The following FAM107A variants were observed in gnomAD, a reference collection of about 807,000 sequenced individuals.
FAM107A encodes actin-associated protein FAM107A.
FAM107A carries 19 observed loss-of-function variants against 13.7 expected under a neutral mutation model. The ratio of observed to expected loss-of-function variants is 1.38; its 90% CI spans 0.97 to 2.03. The LOEUF is 2.03. Ranked by LOEUF, FAM107A falls within the 30% of genes most tolerant of loss-of-function variation. FAM107A has a pLI of 0.00. For missense variants in FAM107A, 203 were observed against 184.4 expected (o/e 1.10, Z -0.58); for synonymous variants, 82 against 74.5 (o/e 1.10, Z -0.52).
At position 58,623,165 on chromosome 3, in the gene FAM107A, T is replaced by C. The variant is rs150270656; in HGVS notation, c.-70+4251A>G. Among the ~76,000 whole-genome samples, 436 of 152,310 alleles carry C rather than the reference T, an allele frequency of 2.9e-3. 1 individual carries two copies. Among genetic ancestry groups the C allele is most frequent in the Admixed American group, 4.3e-3 (66 of 15,304 alleles). On this transcript the variant is annotated intron_variant, in intron 1 of 3. Transcript: ENST00000465970. ...CAGATGTGTACCTTCTGGGCTCTGA[T>C]AGAATGAACACACCCTTTCAGGCCA...
intron 2 of FAM107A, among the ~76,000 whole-genome samples, chr3:58,568,106 T>C (rs2063641352): frequency 6.6e-6 from 1 of 151,486 alleles, no homozygotes; most frequent in African/African-American, 2.4e-5. Flanking sequence ...CTGGCTGTAC[T>C]GTATTACTTT....
chr3:58,582,973 A>G (rs1014326558), intron 1 of FAM107A, among the ~76,000 whole-genome samples: 10 of 152,040 alleles, frequency 6.6e-5, no homozygotes, highest in African/African-American at 1.9e-4. Context: ...TAATTTTTGT[A>G]TTTTTGGTAG....
chr3:58,569,750 G>A lies in FAM107A; in HGVS notation c.111C>T (p.Pro37=), dbSNP rs770614363. 8.7e-6 allele frequency: 14 copies of A among 1,613,950 alleles called. No homozygotes were observed. The highest frequency in any genetic ancestry group is 3.3e-4 in the Middle Eastern group (2 of 6,084). Residue 37 remains proline, a synonymous_variant, in exon 2 of 4, where the codon CCC becomes CCT. Coordinates refer to ENST00000360997, the MANE Select transcript of FAM107A (RefSeq NM_001076778.3). This position sits in a 1 kb window ranked among gnomAD's most constrained non-coding sequence, Gnocchi z 5.7. ...CCTGGTGACTCCGAGAGGCCTTCAC[G>A]GGGTTCAGCAGCTTCTTGGGCTTGA... ...ELIKPKKLLN[P]VKASRSHQEL...
At position 58,613,174 on chromosome 3, in the gene FAM107A, A is replaced by G. The variant is rs994321157; in HGVS notation, c.-70+14242T>C. 5.3e-5 allele frequency among the ~76,000 whole-genome samples: 8 copies of G among 152,120 alleles called. No homozygotes were observed. The highest frequency in any genetic ancestry group is 1.7e-4 in the African/African-American group (7 of 41,420). The stretch of plus-strand genomic sequence containing the variant: ...GGTAACACCGACAAAAATAGCAGCC[A>G]TTTGTTGAGCTCACACTATGTGTCA... On this transcript the variant is annotated intron_variant, in intron 1 of 3. Coordinates refer to the FAM107A transcript ENST00000465970. The surrounding 1 kb of genome is among the most constrained non-coding windows in gnomAD (Gnocchi z 4.6).
chr3:58,601,046 G>C (rs563825647), intron 1 of FAM107A, among the ~76,000 whole-genome samples: 69 of 152,228 alleles, frequency 4.5e-4, no homozygotes, highest in Middle Eastern at 3.4e-3. Context: ...TATTGAATGA[G>C]AGAATACACA....
rs80110639 is a variant in FAM107A at position 58,569,237 on chromosome 3, C to G, written c.170+454G>C. Among the ~76,000 whole-genome samples, 1,809 of 152,342 alleles carry G rather than the reference C, an allele frequency of 0.012. 21 individuals are homozygous for G. The highest frequency in any genetic ancestry group is 0.041 in the Middle Eastern group (12 of 294). The stretch of plus-strand genomic sequence containing the variant: ...CCTTCAGGTCATAGCTGAGGCAGCA[C>G]CGCTCCTGTGAAGTCATTTTAGACC... On this transcript the variant is annotated intron_variant, in intron 2 of 3. Coordinates refer to ENST00000360997, the MANE Select transcript of FAM107A (RefSeq NM_001076778.3). This position sits in a 1 kb window ranked among gnomAD's most constrained non-coding sequence, Gnocchi z 5.7.
intron 1 of FAM107A, chr3:58,570,498 G>A (rs1258223636): frequency 1.0e-5 from 4 of 399,086 alleles, no homozygotes; most frequent in African/African-American, 8.7e-5. Context: ...TTTGAAATCT[G>A]TCAGTTTACT....
At chr3:58,575,380 C>A (rs1488370036) in intron 1 of FAM107A, among the ~76,000 whole-genome samples, 2 of 152,178 alleles carry the variant, frequency 1.3e-5, no homozygotes, top group African/African-American at 4.8e-5. Context: ...TCACCGAAGA[C>A]AAACTATGGT....
chr3:58,600,062 A>C (rs2065741397), intron 1 of FAM107A, among the ~76,000 whole-genome samples: 1 of 152,048 alleles, frequency 6.6e-6, no homozygotes. Context: ...TGATAGGACA[A>C]TATCCCATGA....
Position 58,565,840 on chromosome 3 carries a change from A to C in FAM107A, c.*748T>G, listed in dbSNP as rs2063614817. On this transcript the variant is annotated 3_prime_UTR_variant, in exon 4 of 4. Transcript: ENST00000360997. Reference sequence around the variant, plus strand: ...CAGGATCTCCCAGATCTATTGAGTTAGAAGCTGTATTAACAAGATCCCCAG... The same window carrying C: ...CAGGATCTCCCAGATCTATTGAGTTCGAAGCTGTATTAACAAGATCCCCAG... The C allele has an allele frequency of 6.6e-6, 1 of 152,202 alleles. No homozygotes were observed. The highest frequency in any genetic ancestry group is 6.5e-5 in the Admixed American group (1 of 15,284). The allele number at this position is 152,202 out of a possible 1,614,324, so 9.4% of individuals were successfully genotyped here.
rs938947739 is a variant in FAM107A, at chr3:58,569,468, C to G, written c.170+223G>C. ...TGGAGTGTGGGCATGAAATGGGTGG[C>G]TGGGCAAGAGAACAGGGCTTTTTGG... On this transcript the variant is annotated intron_variant, in intron 2 of 3. Transcript: ENST00000360997. This position sits in a 1 kb window ranked among gnomAD's most constrained non-coding sequence, Gnocchi z 5.7. Among the ~76,000 whole-genome samples, 1 of 152,178 alleles carries G rather than the reference C, an allele frequency of 6.6e-6. No individual in the cohort carries two copies. Among genetic ancestry groups the G allele is most frequent in the Non-Finnish European group, 1.5e-5 (1 of 68,028 alleles).
Position 58,569,610 on chromosome 3 carries a change from T to C in FAM107A, c.170+81A>G. On this transcript the variant is annotated intron_variant, in intron 2 of 3. Transcript: ENST00000360997. This position sits in a 1 kb window ranked among gnomAD's most constrained non-coding sequence, Gnocchi z 5.7. ...GGAGCCCCAGGATGAAAGCCAGCTC[T>C]GCTTTCCTCCAGGGTCACCTTCCCC... 2 of 1,234,778 alleles carry C rather than the reference T, an allele frequency of 1.6e-6. No homozygotes were observed. Among genetic ancestry groups the C allele is most frequent in the Non-Finnish European group, 2.3e-6 (2 of 885,408 alleles). 76.5% of individuals were successfully genotyped at this position (1,234,778 alleles called of 1,614,324 possible).
intron 1 of FAM107A, among the ~76,000 whole-genome samples, chr3:58,602,125 G>A (rs917132298): frequency 2.0e-5 from 3 of 152,186 alleles, no homozygotes; most frequent in African/African-American, 7.2e-5. Context: ...GAAGGGGGAA[G>A]AGAGAAGACA....
At chr3:58,621,202 C>T (rs896437420) in intron 1 of FAM107A, among the ~76,000 whole-genome samples, 5 of 152,224 alleles carry the variant, frequency 3.3e-5, no homozygotes, top group Non-Finnish European at 5.9e-5. Context: ...CAAATTTTAG[C>T]GCTTGGGAAA....
At chr3:58,618,959 G>T (rs2065928665) in intron 1 of FAM107A, among the ~76,000 whole-genome samples, 1 of 152,216 alleles carries the variant, frequency 6.6e-6, no homozygotes, top group East Asian at 1.9e-4. Context: ...GAGAAAAAAA[G>T]AATGTTCTCC....
rs2063654602 is a variant in FAM107A at position 58,569,121 on chromosome 3, C to T, written c.170+570G>A. Among the ~76,000 whole-genome samples, 1 of 152,214 alleles carries T rather than the reference C, an allele frequency of 6.6e-6. No individual in the cohort carries two copies. Among genetic ancestry groups the T allele is most frequent in the Non-Finnish European group, 1.5e-5 (1 of 68,042 alleles). ...TGCACCACGCAATCGATGCCCCAGG[C>T]ACAGTGAGTGACTCCTGTTTCCTGT... On this transcript the variant is annotated intron_variant, in intron 2 of 3. Transcript: ENST00000360997. This position sits in a 1 kb window ranked among gnomAD's most constrained non-coding sequence, Gnocchi z 5.7.
chr3:58,573,932 C>T (rs1488716820), intron 1 of FAM107A, among the ~76,000 whole-genome samples: 5 of 152,164 alleles, frequency 3.3e-5, no homozygotes, highest in Admixed American at 6.5e-5. Context: ...GCAAAATGAG[C>T]GTTACATTAG....
chr3:58,589,625 T>C (rs745444304), upstream of FAM107A, among the ~76,000 whole-genome samples: 10 of 152,254 alleles, frequency 6.6e-5, no homozygotes, highest in Non-Finnish European at 1.3e-4. Flanking sequence ...TATGCAGCTG[T>C]ACATGTGAGT....
upstream of FAM107A, chr3:58,589,346 G>A (rs2065636325): frequency 1.0e-6 from 1 of 960,166 alleles, no homozygotes; most frequent in Non-Finnish European, 1.6e-6. Flanking sequence ...TATTCACAAT[G>A]TATCTGAGTC....
Sources: gnomAD v4.1 joint callset for allele counts (sites outside exome capture counted in the v4.1 genomes callset) on GRCh38, gnomAD v4.1.1 for gene constraint, Gnocchi (gnomAD v3.1) non-coding constraint, MANE v1.5 for transcripts, NCBI Gene and HGNC (gene_info 2026-07-23, HGNC 2026-07-21) for gene names.